CFAP46: variants seen among roughly 807,000 people sequenced by gnomAD.
CFAP46 encodes cilia- and flagella-associated protein 46.
Under a neutral mutation model 325.7 loss-of-function variants are expected in CFAP46, and 245 were observed. That is an observed-to-expected ratio of 0.75 (90% CI 0.68 to 0.84). The LOEUF (loss-of-function observed/expected upper bound fraction) is 0.84. Ranked by LOEUF, CFAP46 falls within the 40% of genes least tolerant of loss-of-function variation. The probability of loss-of-function intolerance (pLI) is 0.00; values close to 1 mark genes in which losing one functional copy is unlikely to be tolerated. For synonymous variants in CFAP46, 1,523 were observed against 1,495.9 expected (o/e 1.02, Z -0.42); for missense variants, 3,346 against 3,543.0 (o/e 0.94, Z 1.41).
intron 49 of CFAP46, among the ~76,000 whole-genome samples, chr10:132,833,812 G>A (rs919414793): frequency 1.3e-5 from 2 of 152,236 alleles, no homozygotes; most frequent in Non-Finnish European, 2.9e-5. Context: ...GGTGCTCTCA[G>A]GAGGCTTGGC....
chr10:132,860,885 G>C lies in CFAP46; in HGVS notation c.4988C>G (p.Ala1663Gly). 6.4e-7 allele frequency: 1 copy of C among 1,550,948 alleles called. No homozygotes were observed. The highest frequency in any genetic ancestry group is 8.7e-7 in the Non-Finnish European group (1 of 1,147,080). Residue 1663 changes from alanine (A) to glycine (G), a missense_variant, in exon 36 of 58, where the codon GCA (alanine) becomes GGA (glycine). Physicochemically the swap from Ala to Gly is moderately conservative, Grantham distance 60 (BLOSUM62 0). Coordinates refer to ENST00000368586, the MANE Select transcript of CFAP46 (RefSeq NM_001200049.3). ...ACTTCCGCCCAGGTGCTGGGCCTGT[G>C]CGATCATTTTCTTGGCTTGTCCATA... is the stretch of plus-strand genomic sequence containing the variant. ...KNYGQAKKMI[A>G]QAQHLGGSEE...
chr10:132,923,004 A>G (rs1591093339), intron 11 of CFAP46, among the ~76,000 whole-genome samples: 1 of 152,364 alleles, frequency 6.6e-6, no homozygotes, highest in Admixed American at 6.5e-5. Context: ...CTGCCTGGGG[A>G]CAACTTCCTG....
intron 8 of CFAP46, 22 bp from the exon 9 acceptor site, chr10:132,929,826 A>C: frequency 1.3e-6 from 2 of 1,589,378 alleles, no homozygotes; most frequent in African/African-American, 1.3e-5. Flanking sequence ...CAAACCAGCC[A>C]GCACCGGCTC....
intron 16 of CFAP46, among the ~76,000 whole-genome samples, chr10:132,917,180 G>A (rs1299920286): frequency 1.3e-5 from 2 of 152,274 alleles, no homozygotes; most frequent in Non-Finnish European, 2.9e-5. Flanking sequence ...GACCCCAGCT[G>A]AGGGCATGGG....
chr10:132,834,192 C>T (rs1394536290), intron 48 of CFAP46, 69 bp from the exon 49 acceptor site: 3 of 1,396,138 alleles, frequency 2.1e-6, no homozygotes, highest in East Asian at 2.3e-5. Flanking sequence ...TAGGCGACAC[C>T]TGCTCAGCCT....
rs1848661479 is a variant in CFAP46, at chr10:132,857,621, T to C, written c.5543A>G (p.His1848Arg). The C allele has an allele frequency of 6.2e-7, 1 of 1,612,926 alleles. No homozygotes were observed. Among genetic ancestry groups the C allele is most frequent in the Non-Finnish European group, 8.5e-7 (1 of 1,179,494 alleles). ...AAGTGACAATAGGCCCTGGACGCTGTGAAGCCTCCCTTCTTCCTCAGCCAT... is the reference window on the plus strand; with the variant it reads ...AAGTGACAATAGGCCCTGGACGCTGCGAAGCCTCCCTTCTTCCTCAGCCAT... ...GAMAEEEGRL[H>R]SVQGLLSLQD... The change falls in exon 39 of 58, where the codon CAC becomes CGC. Residue 1848 changes from histidine to arginine, a missense_variant. By Grantham distance (29) the His-to-Arg change is conservative (BLOSUM62 0). Transcript: ENST00000368586.
At chr10:132,881,309 G>A (rs1849039410) in intron 27 of CFAP46, among the ~76,000 whole-genome samples, 1 of 152,106 alleles carries the variant, frequency 6.6e-6, no homozygotes, top group African/African-American at 2.4e-5. Flanking sequence ...CCACCCTCCT[G>A]GGGACTCCCG....
intron 27 of CFAP46, among the ~76,000 whole-genome samples, chr10:132,883,713 C>A (rs1294392459): frequency 6.6e-6 from 1 of 152,240 alleles, no homozygotes; most frequent in Non-Finnish European, 1.5e-5. Context: ...GGAAGCAACA[C>A]AAATAGCCAT....
At chr10:132,921,951 C>A (rs1416319081) in intron 13 of CFAP46, among the ~76,000 whole-genome samples, 153 bp downstream of exon 13, 7 of 152,170 alleles carry the variant, frequency 4.6e-5, no homozygotes, top group Non-Finnish European at 7.3e-5. Context: ...CCAGACCCGG[C>A]GGGCCGAGAT....
chr10:132,852,723 AT>A (rs1195597957), intron 39 of CFAP46, among the ~76,000 whole-genome samples: 2 of 152,226 alleles, frequency 1.3e-5, no homozygotes, highest in African/African-American at 2.4e-5. Context: ...GCATTTCTCC[AT>A]TTACCTAGGT....
chr10:132,880,956 A>G lies in CFAP46; in HGVS notation c.3704T>C (p.Leu1235Pro). ...GCGGAGGTGGAAGACCACGTCCTCG[A>G]GAGGAAAGTGTCTGTGATGGAGCCA... ...GQWLHHRHFP[L>P]EDVVFHLRWA... Residue 1235 changes from leucine to proline, a missense_variant, in exon 28 of 58, where the codon CTC (leucine) becomes CCC (proline). Transcript: ENST00000368586. 6.4e-7 allele frequency: 1 copy of G among 1,550,488 alleles called. No homozygotes were observed. The highest frequency in any genetic ancestry group is 1.2e-5 in the South Asian group (1 of 84,050).
chr10:132,810,468 G>A lies in CFAP46; in HGVS notation c.7605C>T (p.Ala2535=), dbSNP rs1847556504. 1.9e-6 allele frequency: 3 copies of A among 1,613,512 alleles called. No homozygotes were observed. The highest frequency in any genetic ancestry group is 2.5e-6 in the Non-Finnish European group (3 of 1,179,964). The part of the protein sequence containing the change: ...EHRRSVGRWE[A]NWRNSASPSE... ...AAGGAGACGCACTGTTTCTCCAATT[G>A]GCTTCCCAACGGCCAACAGATCTAG... Residue 2535 remains alanine, a synonymous_variant, in exon 57 of 58, where the codon GCC becomes GCT. Coordinates refer to ENST00000368586, the MANE Select transcript of CFAP46 (RefSeq NM_001200049.3).
intron 22 of CFAP46, among the ~76,000 whole-genome samples, chr10:132,902,938 A>G (rs893270024): frequency 2.0e-5 from 3 of 149,448 alleles, no homozygotes; most frequent in Non-Finnish European, 4.4e-5. Flanking sequence ...TGAGCTGGCC[A>G]CAGCTCCAAC....
chr10:132,821,106 GT>G (rs1847803780), intron 50 of CFAP46, among the ~76,000 whole-genome samples: 1 of 81,234 alleles, frequency 1.2e-5, no homozygotes, highest in Non-Finnish European at 3.0e-5. Context: ...TGCTTTGTGT[GT>G]GCTGATGTGT....
Position 132,912,814 on chromosome 10 carries a change from G to C in CFAP46, c.2340C>G (p.Pro780=). The C allele has an allele frequency of 1.9e-6, 3 of 1,548,532 alleles. No homozygotes were observed. The highest frequency in any genetic ancestry group is 2.6e-6 in the Non-Finnish European group (3 of 1,146,574). The part of the protein sequence containing the change: ...IVKATGHSGD[P]VMLVTLCNTL... ...TGTTGCAGAGCGTCACCAGCATCAC[G>C]GGGTCCCTGGGAGACATGCTTGTCA... The change falls in exon 19 of 58, where the codon CCC becomes CCG. Residue 780 remains proline (P), a synonymous_variant. Coordinates refer to ENST00000368586, the MANE Select transcript of CFAP46 (RefSeq NM_001200049.3).
chr10:132,907,086 G>A (rs562531150), intron 22 of CFAP46, among the ~76,000 whole-genome samples: 11 of 152,396 alleles, frequency 7.2e-5, no homozygotes, highest in South Asian at 2.1e-4. Flanking sequence ...CCCTGGAGCC[G>A]TCCTGGTGTG....
At chr10:132,929,825 C>A (rs1264424524) in intron 8 of CFAP46, 21 bp from the exon 9 acceptor site, 1 of 1,591,586 alleles carries the variant, frequency 6.3e-7, no homozygotes. Flanking sequence ...ACAAACCAGC[C>A]AGCACCGGCT....
chr10:132,867,032 C>A (rs747299124), intron 34 of CFAP46, among the ~76,000 whole-genome samples: 1 of 152,186 alleles, frequency 6.6e-6, no homozygotes, highest in Non-Finnish European at 1.5e-5. Context: ...TCATCTTTCC[C>A]GGGGAATTCC....
In CFAP46 at chr10:132,893,436, C is replaced by A. The variant is rs1369704223; in HGVS notation, c.3220-1019G>T. On this transcript the variant is annotated intron_variant, in intron 24 of 57. Coordinates refer to ENST00000368586, the MANE Select transcript of CFAP46 (RefSeq NM_001200049.3). ...CCACTTGCAGCGGGGAGGAGCCTGG[C>A]CCCTCCTCCTCCTGGGTGAACCTGG... is the stretch of plus-strand genomic sequence containing the variant. 2.6e-5 allele frequency among the ~76,000 whole-genome samples: 4 copies of A among 152,318 alleles called. No individual in the cohort carries two copies. In the East Asian group the frequency reaches 7.7e-4, roughly 29 times the overall value.
Sources: allele counts gnomAD v4.1 joint callset (sites outside exome capture counted in the v4.1 genomes callset), GRCh38; gene constraint gnomAD v4.1.1; transcripts MANE v1.5; gene names NCBI Gene and HGNC (gene_info 2026-07-23, HGNC 2026-07-21).